LRMDA: variants seen among roughly 807,000 people sequenced by gnomAD.
LRMDA encodes the protein leucine rich melanocyte differentiation associated.
A neutral mutation model predicts 29.8 loss-of-function variants in LRMDA; 18 were observed. The ratio of observed to expected loss-of-function variants is 0.60; its 90% CI spans 0.42 to 0.90. The LOEUF is 0.90. LRMDA is among the 40% of genes least tolerant of loss of function. LRMDA has a pLI of 0.00. For synonymous variants in LRMDA, 125 were observed against 109.4 expected (o/e 1.14, Z -0.89); for missense variants, 273 against 273.9 (o/e 1.00, Z 0.02).
At chr10:76,328,052 A>G (rs1423372798) in intron 6 of LRMDA, among the ~76,000 whole-genome samples, 2 of 152,222 alleles carry the variant, frequency 1.3e-5, no homozygotes, top group Admixed American at 6.5e-5. Flanking sequence ...TGGTACACAC[A>G]TGGATTTAGA....
chr10:75,553,653 T>A (rs1255397356), intron 2 of LRMDA, among the ~76,000 whole-genome samples: 1 of 152,160 alleles, frequency 6.6e-6, no homozygotes, highest in African/African-American at 2.4e-5. Context: ...GAAAAGGTTT[T>A]CTACCCCTTC....
At chr10:75,978,981 C>G (rs1847120881) in intron 2 of LRMDA, among the ~76,000 whole-genome samples, 1 of 152,146 alleles carries the variant, frequency 6.6e-6, no homozygotes, top group South Asian at 2.1e-4. Context: ...TAACCTGCCA[C>G]TTATTGGCCA....
intron 6 of LRMDA, among the ~76,000 whole-genome samples, chr10:76,526,447 G>A (rs1843175073): frequency 6.6e-6 from 1 of 152,088 alleles, no homozygotes; most frequent in African/African-American, 2.4e-5. Context: ...TTTCCCTTAT[G>A]AGGCATTCGC....
intron 5 of LRMDA, among the ~76,000 whole-genome samples, chr10:76,149,178 A>G (rs1296675911): frequency 6.6e-6 from 1 of 152,206 alleles, no homozygotes; most frequent in Non-Finnish European, 1.5e-5. Flanking sequence ...GGAATTCTGT[A>G]TCTCCTTTGC....
chr10:75,914,242 C>A (rs1451403107), intron 2 of LRMDA, among the ~76,000 whole-genome samples: 3 of 152,150 alleles, frequency 2.0e-5, no homozygotes, highest in Admixed American at 2.0e-4. Flanking sequence ...GTTTTCCCCA[C>A]TGTTATTTGG....
At chr10:76,299,590 C>A (rs574735969) in intron 5 of LRMDA, among the ~76,000 whole-genome samples, 2 of 136,578 alleles carry the variant, frequency 1.5e-5, no homozygotes, top group Non-Finnish European at 3.1e-5. Context: ...CTTTGAACCA[C>A]CCCCCTTCCT....
At chr10:75,943,758 A>G (rs113084327) in intron 2 of LRMDA, among the ~76,000 whole-genome samples, 14 of 152,312 alleles carry the variant, frequency 9.2e-5, no homozygotes, top group African/African-American at 2.9e-4. Context: ...GCTTAGCTTC[A>G]TGAAATAGTA....
intron 6 of LRMDA, among the ~76,000 whole-genome samples, chr10:76,383,455 G>A (rs1231389999): frequency 2.1e-4 from 24 of 113,966 alleles, no homozygotes; most frequent in African/African-American, 8.1e-4. Flanking sequence ...ACGGAGTCTC[G>A]CTCTGTCGCC....
intron 2 of LRMDA, among the ~76,000 whole-genome samples, chr10:75,806,522 A>G (rs2132266869): frequency 6.6e-6 from 1 of 152,318 alleles, no homozygotes. Flanking sequence ...AATAATCACT[A>G]AACATGTCTC....
chr10:76,124,216 G>A (rs575307070), intron 5 of LRMDA, among the ~76,000 whole-genome samples: 62 of 152,244 alleles, frequency 4.1e-4, no homozygotes, highest in Admixed American at 3.5e-3. Flanking sequence ...GATGAAAGGG[G>A]GTTGGGATTT....
intron 2 of LRMDA, among the ~76,000 whole-genome samples, chr10:75,607,580 T>C (rs934712398): frequency 6.6e-6 from 1 of 152,236 alleles, no homozygotes; most frequent in Non-Finnish European, 1.5e-5. Context: ...CCTAACCTTC[T>C]TTTCCTCCAC....
At chr10:75,983,120 G>T (rs1169105403) in intron 2 of LRMDA, among the ~76,000 whole-genome samples, 1 of 152,116 alleles carries the variant, frequency 6.6e-6, no homozygotes, top group African/African-American at 2.4e-5. Context: ...AGGCAGGGGG[G>T]AGCTCGGGTT....
intron 5 of LRMDA, among the ~76,000 whole-genome samples, chr10:76,313,166 G>C (rs1328507229): frequency 1.3e-5 from 2 of 152,240 alleles, no homozygotes; most frequent in Admixed American, 1.3e-4. Flanking sequence ...GCTTTGTCAG[G>C]GGACTTAATT....
At chr10:76,279,450 G>C in intron 5 of LRMDA, among the ~76,000 whole-genome samples, 1 of 151,244 alleles carries the variant, frequency 6.6e-6, no homozygotes, top group East Asian at 1.9e-4. Flanking sequence ...AAGAAATAAA[G>C]TTTACACAGC....
In LRMDA at chr10:76,556,167, G is replaced by A. The variant is rs77765889; in HGVS notation, c.602-1042G>A. Among the ~76,000 whole-genome samples, 688 of 152,206 alleles carry A rather than the reference G, an allele frequency of 4.5e-3. 7 individuals are homozygous for A. The highest frequency in any genetic ancestry group is 0.028 in the East Asian group (146 of 5,180). On this transcript the variant is annotated intron_variant, in intron 6 of 6. Transcript: ENST00000611255. ...CCCTATTGTAGGGGCATTTTTCATT[G>A]TTAAGTCTCCTACAATCTCCTTGAA...
intron 5 of LRMDA, among the ~76,000 whole-genome samples, chr10:76,120,102 T>A (rs1217163104): frequency 6.6e-6 from 1 of 152,176 alleles, no homozygotes; most frequent in Non-Finnish European, 1.5e-5. Flanking sequence ...ATAGCTTTTC[T>A]TACCTTCTCC....
chr10:76,220,002 T>C (rs963468014), intron 5 of LRMDA, among the ~76,000 whole-genome samples: 5 of 152,182 alleles, frequency 3.3e-5, no homozygotes, highest in African/African-American at 1.2e-4. Context: ...CTGAACAACC[T>C]GCTCCTGAAT....
intron 6 of LRMDA, among the ~76,000 whole-genome samples, chr10:76,410,289 A>G (rs1334617618): frequency 7.6e-6 from 1 of 131,442 alleles, no homozygotes; most frequent in Admixed American, 7.9e-5. Context: ...TGGAAAAATC[A>G]CTTTCTTTCT....
chr10:75,619,738 G>A lies in LRMDA; in HGVS notation c.131+181244G>A, dbSNP rs186880062. 9.9e-5 allele frequency among the ~76,000 whole-genome samples: 15 copies of A among 152,236 alleles called. No individual in the cohort carries two copies. The East Asian group carries it at 1.7e-3, about 18-fold the overall frequency. Reference sequence around the variant, plus strand: ...GAAGTACAAGCTGTGGGGAGGCAGCGTTTACTTCAGGGTTTGGTAGATCTG... The same window carrying A: ...GAAGTACAAGCTGTGGGGAGGCAGCATTTACTTCAGGGTTTGGTAGATCTG... On this transcript the variant is annotated intron_variant, in intron 2 of 6. Coordinates refer to ENST00000611255, the MANE Select transcript of LRMDA (RefSeq NM_001305581.2).
Sources: allele counts gnomAD v4.1 joint callset (sites outside exome capture counted in the v4.1 genomes callset), GRCh38; gene constraint gnomAD v4.1.1; transcripts MANE v1.5; gene names NCBI Gene and HGNC (gene_info 2026-07-23, HGNC 2026-07-21).